Variants in FRMPD2 observed in about 807,000 individuals in gnomAD.
The protein encoded by FRMPD2 is FERM and PDZ domain-containing protein 2.
A neutral mutation model predicts 140.1 loss-of-function variants in FRMPD2; 96 were observed. The ratio of observed to expected loss-of-function variants is 0.69; its 90% CI spans 0.58 to 0.81. FRMPD2 has a LOEUF of 0.81. Ranked by LOEUF, FRMPD2 falls within the 40% of genes least tolerant of loss-of-function variation. The pLI, the probability that FRMPD2 is intolerant of heterozygous loss-of-function variation, is 0.00. For synonymous variants in FRMPD2, 449 were observed against 547.6 expected (o/e 0.82, Z 2.52); for missense variants, 1,240 against 1,447.4 (o/e 0.86, Z 2.32).
chr10:48,214,064 A>C lies in FRMPD2; in HGVS notation c.1456-1955T>G, dbSNP rs561248178. ...CAGTTTTACCTAGTAGCTGCCGAAA[A>C]GATCTGCTGGGACTCTAAGACTTGT... On this transcript the variant is annotated intron_variant, in intron 12 of 28. Transcript: ENST00000374201. Among the ~76,000 whole-genome samples the C allele has an allele frequency of 4.2e-4, 64 of 152,294 alleles. 1 individual carries two copies. Among genetic ancestry groups the C allele is most frequent in the African/African-American group, 1.5e-3 (62 of 41,568 alleles).
Position 48,238,139 on chromosome 10 carries a change from G to T in FRMPD2, c.789-16C>A. 1 of 1,605,260 alleles carries T rather than the reference G, an allele frequency of 6.2e-7. No homozygotes were observed. Reference sequence around the variant, plus strand: ...TGGAAGAGCGCTGGCCAGGGGTTGAGAAGGGGTGAAGCACTTAGCAATGGC... The same window carrying T: ...TGGAAGAGCGCTGGCCAGGGGTTGATAAGGGGTGAAGCACTTAGCAATGGC... On this transcript the variant is annotated splice_polypyrimidine_tract_variant and intron_variant, in intron 7 of 28. Coordinates refer to ENST00000374201, the MANE Select transcript of FRMPD2 (RefSeq NM_001018071.4).
intron 10 of FRMPD2, among the ~76,000 whole-genome samples, chr10:48,227,034 G>T (rs1445081802): frequency 6.6e-6 from 1 of 152,172 alleles, no homozygotes; most frequent in Non-Finnish European, 1.5e-5. Flanking sequence ...GCCTGCAAAA[G>T]GTGGGGGGAT....
Position 48,168,613 on chromosome 10 carries a change from C to T in FRMPD2, c.3519G>A (p.Glu1173=), listed in dbSNP as rs782395355. The T allele has an allele frequency of 4.5e-6, 5 of 1,122,084 alleles. 2 individuals are homozygous for T. In the South Asian group the frequency reaches 6.5e-5, roughly 15 times the overall value. The allele number at this position is 1,122,084 out of a possible 1,614,324, so 69.5% of individuals were successfully genotyped here. ...AGCCTACCTGCCATTCCTGCTCCAG[C>T]TCAGGCAGCGCACCTGGAGGGGGTC... ...LCRPPPGALP[E]LEQEWQTPEL... Residue 1173 remains glutamate, a synonymous_variant, in exon 27 of 29, where the codon GAG becomes GAA. Coordinates refer to ENST00000374201, the MANE Select transcript of FRMPD2 (RefSeq NM_001018071.4).
intron 20 of FRMPD2, among the ~76,000 whole-genome samples, chr10:48,183,433 A>T (rs1236494415): frequency 6.6e-6 from 1 of 152,174 alleles, no homozygotes; most frequent in Non-Finnish European, 1.5e-5. Flanking sequence ...TAATATAGGC[A>T]GTTGTTGCTC....
intron 14 of FRMPD2, 43 bp downstream of exon 14, chr10:48,206,705 G>A: frequency 6.5e-7 from 1 of 1,548,782 alleles, no homozygotes; most frequent in African/African-American, 1.4e-5. Flanking sequence ...ACAAATCAAA[G>A]GAAAATGAAG....
chr10:48,207,267 C>T (rs1839223552), intron 13 of FRMPD2, among the ~76,000 whole-genome samples: 1 of 151,380 alleles, frequency 6.6e-6, no homozygotes. Context: ...TTTTAGAATT[C>T]ATACTCTTCT....
chr10:48,177,930 C>T, intron 22 of FRMPD2, 117 bp downstream of exon 22: 2 of 620,944 alleles, frequency 3.2e-6, no homozygotes, highest in Non-Finnish European at 6.0e-6. Context: ...TTTATTTACC[C>T]CTTACATTTG....
intron 9 of FRMPD2, among the ~76,000 whole-genome samples, chr10:48,232,676 C>T (rs1839877893): frequency 6.6e-6 from 1 of 152,212 alleles, no homozygotes; most frequent in Non-Finnish European, 1.5e-5. Flanking sequence ...CTGGATCAAT[C>T]TGTCGATCTG....
At chr10:48,201,946 A>G (rs1052807971) in intron 14 of FRMPD2, among the ~76,000 whole-genome samples, 1 of 151,364 alleles carries the variant, frequency 6.6e-6, no homozygotes, top group Non-Finnish European at 1.5e-5. Context: ...AAAAAAAAAG[A>G]GCAAGAGTCC....
chr10:48,200,189 T>A (rs994798337), intron 15 of FRMPD2, among the ~76,000 whole-genome samples: 13 of 137,592 alleles, frequency 9.4e-5, no homozygotes, highest in Non-Finnish European at 1.6e-4. Context: ...AATAAATAAA[T>A]AAATAAATAA....
chr10:48,210,427 G>T (rs10857548), intron 13 of FRMPD2, among the ~76,000 whole-genome samples: 6 of 152,096 alleles, frequency 3.9e-5, no homozygotes, highest in Admixed American at 3.3e-4. Context: ...ATTTTTCATC[G>T]TTCAACCAGG....
rs1355454908 is a variant in FRMPD2, at chr10:48,232,247, C to A, written c.1036G>T (p.Val346Leu). The change falls in exon 10 of 29, where the codon GTG becomes TTG. Residue 346 changes from valine to leucine, a missense_variant. Physicochemically the swap from Val to Leu is conservative, Grantham distance 32 (BLOSUM62 1). This residue lies in a region of FRMPD2 where 1,161 missense variants were observed against 1,055.9 expected (regional missense o/e 1.10). Transcript: ENST00000374201. ...AGGTGCTGCCCGTTCAGCAGGACCACACAGAGGTCCCTGAGAGCCAAATAG... is the reference window on the plus strand; with the variant it reads ...AGGTGCTGCCCGTTCAGCAGGACCAAACAGAGGTCCCTGAGAGCCAAATAG... ...KSYLALRDLC[V>L]VLLNGQHLEV... The A allele has an allele frequency of 1.2e-6, 2 of 1,613,956 alleles. No homozygotes were observed. Among genetic ancestry groups the A allele is most frequent in the Non-Finnish European group, 1.7e-6 (2 of 1,179,902 alleles).
chr10:48,207,696 G>A (rs1175176483), intron 13 of FRMPD2, among the ~76,000 whole-genome samples: 1 of 152,160 alleles, frequency 6.6e-6, no homozygotes, highest in East Asian at 1.9e-4. Context: ...GTCCCCATCA[G>A]AAGGTTGATG....
intron 10 of FRMPD2, among the ~76,000 whole-genome samples, chr10:48,229,485 A>T (rs1307518010): frequency 6.6e-6 from 1 of 152,124 alleles, no homozygotes; most frequent in Non-Finnish European, 1.5e-5. Flanking sequence ...GCAACAAAGG[A>T]TATGTCCCTC....
Position 48,251,652 on chromosome 10 carries a change from T to C in FRMPD2, c.65A>G (p.Gln22Arg). The change falls in exon 2 of 29, where the codon CAG becomes CGG. Residue 22 changes from glutamine to arginine, a missense_variant. Physicochemically the swap from Gln to Arg is conservative, Grantham distance 43. Around this residue, in one of 6 missense-constraint regions of FRMPD2, gnomAD observed 1,161 missense variants for 1,055.9 expected, o/e 1.10. Transcript: ENST00000374201. ...LSSVTLASALQVRGEALSEEE... is the reference protein window; with the variant it reads ...LSSVTLASALRVRGEALSEEE... ...CTCAGACAGAGCTTCACCCCTGACC[T>C]GTAGGGCGCTGGCCAGCGTCACAGA... The C allele has an allele frequency of 6.2e-7, 1 of 1,614,214 alleles. No individual in the cohort carries two copies. Among genetic ancestry groups the C allele is most frequent in the Non-Finnish European group, 8.5e-7 (1 of 1,180,026 alleles).
chr10:48,161,601 G>A lies in FRMPD2; in HGVS notation c.3881+1727C>T, dbSNP rs1276203434. Reference sequence around the variant, plus strand: ...CTGGCCCCATAAGAACAGCATAACAGCATAAAGATTTCACCTTAATATAAG... The same window carrying A: ...CTGGCCCCATAAGAACAGCATAACAACATAAAGATTTCACCTTAATATAAG... On this transcript the variant is annotated intron_variant, in intron 28 of 28. Coordinates refer to ENST00000374201, the MANE Select transcript of FRMPD2 (RefSeq NM_001018071.4). 4.0e-5 allele frequency among the ~76,000 whole-genome samples: 6 copies of A among 151,390 alleles called. 1 individual carries two copies. Among genetic ancestry groups the A allele is most frequent in the Non-Finnish European group, 8.8e-5 (6 of 67,924 alleles).
chr10:48,185,561 C>T lies in FRMPD2; in HGVS notation c.2351G>A (p.Arg784His), dbSNP rs753747907. ...ACAGGGAGCCCTCTTACCAAAACCA[C>T]GATGTGGGTCACGTTTCAGTGTCAC... Reference protein sequence around the residue: ...VRVTLKRDPHRGFGFVINEGE... With the variant: ...VRVTLKRDPHHGFGFVINEGE... The change falls in exon 18 of 29, where the codon CGT becomes CAT. Residue 784 changes from arginine to histidine, a missense_variant. This residue lies in a region of FRMPD2 where 1,161 missense variants were observed against 1,055.9 expected (regional missense o/e 1.10). Coordinates refer to ENST00000374201, the MANE Select transcript of FRMPD2 (RefSeq NM_001018071.4). 1.5e-5 allele frequency: 24 copies of T among 1,613,526 alleles called. No individual in the cohort carries two copies. Among genetic ancestry groups the T allele is most frequent in the East Asian group, 4.5e-5 (2 of 44,880 alleles).
chr10:48,252,171 A>G (rs1840401044), intron 1 of FRMPD2, among the ~76,000 whole-genome samples: 1 of 151,802 alleles, frequency 6.6e-6, no homozygotes, highest in East Asian at 1.9e-4. Context: ...TGCCAGTACC[A>G]CCCCTTTCTC....
At chr10:48,201,441 G>A (rs1342010430) in intron 14 of FRMPD2, 57 bp from the exon 15 acceptor site, 9 of 1,524,848 alleles carry the variant, frequency 5.9e-6, no homozygotes, top group South Asian at 1.2e-5. Flanking sequence ...CTCCACTGAC[G>A]CACAACTGCA....
Sources: allele counts gnomAD v4.1 joint callset (sites outside exome capture counted in the v4.1 genomes callset), GRCh38; gene constraint gnomAD v4.1.1; regional missense constraint gnomAD v4.1.1; transcripts MANE v1.5; gene names NCBI Gene and HGNC (gene_info 2026-07-23, HGNC 2026-07-21).